XKR5: variants seen among roughly 807,000 people sequenced by gnomAD.
XKR5 encodes XK-related protein 5.
Under a neutral mutation model 40.8 loss-of-function variants are expected in XKR5, and 46 were observed. The ratio of observed to expected loss-of-function variants is 1.13; its 90% confidence interval spans 0.89 to 1.44. XKR5 has a LOEUF of 1.44. Among genes scored for constraint, XKR5 ranks in the 40% most tolerant of loss-of-function variants. XKR5 has a pLI of 0.00. For synonymous variants in XKR5, 466 were observed against 356.1 expected, an observed-to-expected ratio of 1.31 and a Z score of -3.48; for missense variants, 1,169 against 844.7, an observed-to-expected ratio of 1.38 and a Z score of -4.76.
At chr8:6,820,704 T>C (rs946215995) in intron 5 of XKR5, among the ~76,000 whole-genome samples, 9 of 152,238 alleles carry the variant, frequency 5.9e-5, no homozygotes, top group African/African-American at 2.2e-4. Context: ...TGTTCAGATG[T>C]GGACGCTGAG....
Position 6,835,417 on chromosome 8 carries a change from C to G in XKR5, c.58+19G>C, listed in dbSNP as rs1345661650. 6.8e-6 allele frequency: 10 copies of G among 1,467,518 alleles called. No homozygotes were observed. Among genetic ancestry groups the G allele is most frequent in the Non-Finnish European group, 9.0e-6 (10 of 1,116,410 alleles). The allele number at this position is 1,467,518 out of a possible 1,614,324, so 90.9% of individuals were successfully genotyped here. A position where few individuals can be genotyped will look rare whatever the true frequency, so the allele number is the denominator to read the frequency against. ...TAGGGGCTGCAGGGGTGAGCACAGC[C>G]TCGGGCTGCCGCACTCACGCGCGCT... is the stretch of plus-strand genomic sequence containing the variant. On this transcript the variant is annotated intron_variant, in intron 1 of 6. Transcript: ENST00000618742.
rs749075094 is a variant in XKR5 at position 6,825,263 on chromosome 8, G to A, written c.329C>T (p.Ser110Leu). The stretch of plus-strand genomic sequence containing the variant: ...CAGGGCCTCCAAGAGTCGAAGGGCC[G>A]ACAGGTCGGCCTCCTGCAGCTGCAG... ...GWLQLQEADL[S>L]ALRLLEALLQ... Residue 110 changes from serine to leucine, a missense_variant, in exon 3 of 7, where the codon TCG becomes TTG. Ser to Leu is a moderately radical substitution (Grantham distance 145). Transcript: ENST00000618742. 1.8e-5 allele frequency: 29 copies of A among 1,611,946 alleles called. No individual in the cohort carries two copies. The highest frequency in any genetic ancestry group is 6.7e-5 in the African/African-American group (5 of 74,840).
chr8:6,811,880 C>T lies in XKR5; in HGVS notation c.1379G>A (p.Arg460His), dbSNP rs763116397. The T allele has an allele frequency of 4.0e-5, 61 of 1,537,366 alleles. No homozygotes were observed. The highest frequency in any genetic ancestry group is 3.4e-4 in the East Asian group (14 of 40,928). ...SAQQELPSSS[R>H]DPSTLENSSA... ...GCTGTTCTCTAAGGTTGAGGGGTCA[C>T]GGGATGAGGATGGGAGCTCTTGCTG... is the stretch of plus-strand genomic sequence containing the variant. The change falls in exon 7 of 7, where the codon CGT becomes CAT. Residue 460 changes from arginine to histidine, a missense_variant. Physicochemically the swap from Arg to His is conservative, Grantham distance 29. Transcript: ENST00000618742.
intron 6 of XKR5, among the ~76,000 whole-genome samples, chr8:6,815,603 C>G (rs1204736674): frequency 6.6e-6 from 1 of 152,088 alleles, no homozygotes; most frequent in Non-Finnish European, 1.5e-5. Flanking sequence ...AGGTTCCGAG[C>G]ACAGTCAAGC....
intron 3 of XKR5, 151 bp downstream of exon 3, chr8:6,825,014 G>A (rs1169845954): frequency 1.5e-5 from 13 of 879,240 alleles, no homozygotes; most frequent in Non-Finnish European, 2.1e-5. Flanking sequence ...GCAAAAGCCA[G>A]TTTTAAGCAT....
Position 6,809,220 on chromosome 8 carries a change from G to C in XKR5, c.*1978C>G, listed in dbSNP as rs1292657055. The C allele has an allele frequency of 6.6e-6, 1 of 152,290 alleles. No homozygotes were observed. Among genetic ancestry groups the C allele is most frequent in the Non-Finnish European group, 1.5e-5 (1 of 68,098 alleles). 9.4% of individuals were successfully genotyped at this position (152,290 alleles called of 1,614,324 possible). A position where few individuals can be genotyped will look rare whatever the true frequency, so the allele number is the denominator to read the frequency against. On this transcript the variant is annotated 3_prime_UTR_variant, in exon 7 of 7. Coordinates refer to ENST00000618742, the MANE Select transcript of XKR5 (RefSeq NM_207411.5). The stretch of plus-strand genomic sequence containing the variant: ...CTCATGCTCTCACCTGGCTGGGCGA[G>C]AGACTGCATGGAGGAAGGACTGAGA...
At chr8:6,830,268 TG>T (rs1237072172) in intron 2 of XKR5, among the ~76,000 whole-genome samples, 6 of 152,234 alleles carry the variant, frequency 3.9e-5, no homozygotes, top group Admixed American at 6.5e-5. Context: ...CAAACGCAAT[TG>T]TTTTGGCTCC....
At position 6,821,959 on chromosome 8, in the gene XKR5, C is replaced by A. The variant is rs368531453; in HGVS notation, c.717G>T (p.Leu239=). The A allele has an allele frequency of 5.8e-5, 93 of 1,612,494 alleles. No individual in the cohort carries two copies. The African/African-American group carries it at 1.1e-3, about 20-fold the overall frequency. Residue 239 remains leucine (L), a synonymous_variant, in exon 5 of 7, where the codon CTG becomes CTT. Transcript: ENST00000618742. ...ACACGGCCCCCACGAGCAGGTTGAA[C>A]AGCCTCCAGTGGCAGGTGCTGTCGA... is the stretch of plus-strand genomic sequence containing the variant. ...DIIDSTCHWR[L]FNLLVGAVYI...
chr8:6,818,728 T>C (rs1465262113), intron 5 of XKR5, among the ~76,000 whole-genome samples: 2 of 152,156 alleles, frequency 1.3e-5, no homozygotes, highest in Non-Finnish European at 2.9e-5. Flanking sequence ...GAATCGCCAC[T>C]TTATAAAAGC....
chr8:6,835,518 C>T lies in XKR5; in HGVS notation c.-25G>A. On this transcript the variant is annotated 5_prime_UTR_variant, in exon 1 of 7. Coordinates refer to ENST00000618742, the MANE Select transcript of XKR5 (RefSeq NM_207411.5). ...TCTTCCGTGCCGACCCCGCAGCCTG[C>T]GCCCGCCCCTTCCCCTGCACGCGGC... 2.0e-6 allele frequency: 3 copies of T among 1,486,912 alleles called. No individual in the cohort carries two copies. The highest frequency in any genetic ancestry group is 2.8e-5 in the East Asian group (1 of 36,292). 92.1% of individuals were successfully genotyped at this position (1,486,912 alleles called of 1,614,324 possible). A position where few individuals can be genotyped will look rare whatever the true frequency, so the allele number is the denominator to read the frequency against.
chr8:6,822,377 A>T (rs1219252028), intron 4 of XKR5, among the ~76,000 whole-genome samples: 1 of 152,240 alleles, frequency 6.6e-6, no homozygotes, highest in African/African-American at 2.4e-5. Flanking sequence ...ACTGCCAATT[A>T]TTTTAAAATT....
intron 2 of XKR5, among the ~76,000 whole-genome samples, chr8:6,827,468 G>T (rs1048934509): frequency 1.3e-5 from 2 of 152,186 alleles, no homozygotes; most frequent in African/African-American, 2.4e-5. Flanking sequence ...AAGATTCGGG[G>T]ACTCCTCTTT....
rs915083975 is a variant in XKR5, at chr8:6,811,232, T to C, written c.2027A>G (p.Glu676Gly). The C allele has an allele frequency of 6.5e-6, 10 of 1,537,146 alleles. No individual in the cohort carries two copies. The African/African-American group carries it at 1.4e-4, about 21-fold the overall frequency. The change falls in exon 7 of 7, where the codon GAA becomes GGA. Residue 676 changes from glutamate to glycine, a missense_variant. Physicochemically the swap from Glu to Gly is moderately conservative, Grantham distance 98 (BLOSUM62 -2). Transcript: ENST00000618742. Reference sequence around the variant, plus strand: ...AAAACTCGGCTCTTGCTTCATCTGTTCCCTGCAGCTGCAGTCCGTTTGGAT... The same window carrying C: ...AAAACTCGGCTCTTGCTTCATCTGTCCCCTGCAGCTGCAGTCCGTTTGGAT... ...ESIQTDCSCR[E>G]QMKQEPSFFI
rs1803589295 is a variant in XKR5, at chr8:6,809,588, C to G, written c.*1610G>C. The G allele has an allele frequency of 6.6e-6, 1 of 152,118 alleles. No individual in the cohort carries two copies. Among genetic ancestry groups the G allele is most frequent in the South Asian group, 2.1e-4 (1 of 4,822 alleles). The allele number at this position is 152,118 out of a possible 1,614,324, so 9.4% of individuals were successfully genotyped here. ...ACCGGTGTGAGCCCCTGCATCCGAC[C>G]CAAAGTCTCGTTATCTTCACCTGTT... is the stretch of plus-strand genomic sequence containing the variant. On this transcript the variant is annotated 3_prime_UTR_variant, in exon 7 of 7. Coordinates refer to ENST00000618742, the MANE Select transcript of XKR5 (RefSeq NM_207411.5).
chr8:6,832,650 A>G, intron 2 of XKR5, 67 bp downstream of exon 2: 2 of 1,581,708 alleles, frequency 1.3e-6, no homozygotes, highest in Non-Finnish European at 1.7e-6. Context: ...ATCCACATGG[A>G]GAGAAGATTC....
chr8:6,821,365 G>T (rs1490699941), intron 5 of XKR5, among the ~76,000 whole-genome samples: 1 of 152,130 alleles, frequency 6.6e-6, no homozygotes, highest in Non-Finnish European at 1.5e-5. Context: ...GTCTGATTTT[G>T]GTTATTTGGG....
rs1027895950 is a variant in XKR5 at position 6,829,909 on chromosome 8, C to G, written c.242+2808G>C. Among the ~76,000 whole-genome samples, 4 of 137,592 alleles carry G rather than the reference C, an allele frequency of 2.9e-5. No individual in the cohort carries two copies. In the Admixed American group the frequency reaches 3.2e-4, roughly 11 times the overall value. 90.3% of individuals were successfully genotyped at this position (137,592 alleles called of 152,430 possible). Reference sequence around the variant, plus strand: ...CTGGAGTCCAGTGATGCAATCTCGGCTCACTGCAAGTTCCGCCTAACGGGT... The same window carrying G: ...CTGGAGTCCAGTGATGCAATCTCGGGTCACTGCAAGTTCCGCCTAACGGGT... On this transcript the variant is annotated intron_variant, in intron 2 of 6. Transcript: ENST00000618742.
At chr8:6,830,495 G>T (rs1404166135) in intron 2 of XKR5, among the ~76,000 whole-genome samples, 1 of 152,074 alleles carries the variant, frequency 6.6e-6, no homozygotes, top group East Asian at 1.9e-4. Flanking sequence ...CAAATCTTGC[G>T]GCCTTTATGC....
intron 5 of XKR5, among the ~76,000 whole-genome samples, chr8:6,821,546 A>T (rs991666230): frequency 3.3e-5 from 5 of 152,160 alleles, no homozygotes; most frequent in East Asian, 1.9e-4. Flanking sequence ...ATTAACAGAG[A>T]CATTGAGTAT....
Sources: gnomAD v4.1 joint callset for allele counts (sites outside exome capture counted in the v4.1 genomes callset) on GRCh38, gnomAD v4.1.1 for gene constraint, MANE v1.5 for transcripts, NCBI Gene and HGNC (gene_info 2026-07-23, HGNC 2026-07-21) for gene names.